CRPPA: variants seen among roughly 807,000 people sequenced by gnomAD.
CRPPA encodes D-ribitol-5-phosphate cytidylyltransferase.
CRPPA carries 43 observed loss-of-function variants against 52.0 expected under a neutral mutation model. The ratio of observed to expected loss-of-function variants is 0.83; its 90% CI spans 0.65 to 1.07. The LOEUF (loss-of-function observed/expected upper bound fraction) is 1.07, where lower values mean the gene tolerates loss of function less well. Among genes scored for constraint, CRPPA ranks in the 50% least tolerant of loss-of-function variants. The probability of loss-of-function intolerance (pLI) is 0.00; values close to 1 mark genes in which losing one functional copy is unlikely to be tolerated. For synonymous variants in CRPPA, 250 were observed against 203.5 expected, an observed-to-expected ratio of 1.23 and a Z score of -1.94; for missense variants, 629 against 551.7, an observed-to-expected ratio of 1.14 and a Z score of -1.40.
intron 2 of CRPPA, among the ~76,000 whole-genome samples, chr7:16,393,334 T>C (rs1787489189): frequency 1.3e-5 from 2 of 152,174 alleles, no homozygotes; most frequent in Non-Finnish European, 2.9e-5. Flanking sequence ...GGACTTGATC[T>C]AGCAGTATGA....
At chr7:16,254,747 C>CAGAA (rs902465491) in intron 8 of CRPPA, among the ~76,000 whole-genome samples, 3 of 51,090 alleles carry the variant, frequency 5.9e-5, no homozygotes, top group Non-Finnish European at 1.0e-4. Flanking sequence ...GAAAGAAAGA[C>CAGAA]AGAAAGAAAG....
intron 1 of CRPPA, among the ~76,000 whole-genome samples, chr7:16,410,335 C>T (rs1788050872): frequency 6.6e-6 from 1 of 152,106 alleles, no homozygotes; most frequent in Non-Finnish European, 1.5e-5. Flanking sequence ...TTTTGTAGCC[C>T]ATTTCCTAGG....
chr7:16,098,231 A>G (rs1781972745), intron 9 of CRPPA, among the ~76,000 whole-genome samples: 1 of 152,218 alleles, frequency 6.6e-6, no homozygotes, highest in Admixed American at 6.5e-5. Context: ...CTGAAAGGAA[A>G]TCTCTTGGAG....
intron 4 of CRPPA, among the ~76,000 whole-genome samples, chr7:16,304,838 T>C (rs776188748): frequency 2.0e-5 from 3 of 152,158 alleles, no homozygotes; most frequent in Non-Finnish European, 2.9e-5. Context: ...TGTTTCAGGA[T>C]CTTCCTTCGC....
intron 9 of CRPPA, among the ~76,000 whole-genome samples, chr7:16,147,774 C>T (rs1343731736): frequency 6.6e-6 from 1 of 152,108 alleles, no homozygotes; most frequent in Non-Finnish European, 1.5e-5. Flanking sequence ...ACAGGTATCC[C>T]AAGCATTCTA....
At chr7:16,134,484 C>T (rs1398461269) in intron 9 of CRPPA, among the ~76,000 whole-genome samples, 2 of 152,140 alleles carry the variant, frequency 1.3e-5, no homozygotes, top group African/African-American at 4.8e-5. Flanking sequence ...GGATTGCTGG[C>T]ATACAAAATA....
At chr7:16,251,897 T>C (rs530562399) in intron 8 of CRPPA, among the ~76,000 whole-genome samples, 14 of 151,922 alleles carry the variant, frequency 9.2e-5, no homozygotes, top group Admixed American at 5.9e-4. Context: ...CTGAAGGAGA[T>C]AGAGACACAG....
intron 5 of CRPPA, among the ~76,000 whole-genome samples, chr7:16,300,566 A>C (rs1784771248): frequency 6.6e-6 from 1 of 152,166 alleles, no homozygotes; most frequent in Non-Finnish European, 1.5e-5. Flanking sequence ...ACATTTGGCA[A>C]TATCAGGAAA....
intron 9 of CRPPA, among the ~76,000 whole-genome samples, chr7:16,197,482 T>C (rs1413094256): frequency 6.6e-6 from 1 of 151,940 alleles, no homozygotes; most frequent in African/African-American, 2.4e-5. Flanking sequence ...GGATGACCGG[T>C]ATGCACTCCC....
At chr7:16,276,306 G>A (rs1276540663) in intron 6 of CRPPA, among the ~76,000 whole-genome samples, 1 of 152,074 alleles carries the variant, frequency 6.6e-6, no homozygotes. Flanking sequence ...CTACACAGAA[G>A]CATCCACTAT....
At chr7:16,282,773 C>G in intron 5 of CRPPA, among the ~76,000 whole-genome samples, 1 of 151,974 alleles carries the variant, frequency 6.6e-6, no homozygotes, top group Non-Finnish European at 1.5e-5. Context: ...TATGGTGGAT[C>G]TGTTATTGTG....
chr7:16,147,313 C>T (rs35150436), intron 9 of CRPPA, among the ~76,000 whole-genome samples: 45,404 of 152,096 alleles, frequency 0.3, 8,151 homozygotes, highest in Admixed American at 0.4. Context: ...CTTCAAGGAA[C>T]GCATTTCCCT....
chr7:16,233,210 C>T (rs1782855024), intron 8 of CRPPA, among the ~76,000 whole-genome samples: 2 of 151,918 alleles, frequency 1.3e-5, no homozygotes, highest in East Asian at 3.9e-4. Context: ...CATATTTAGT[C>T]AGCCTAATAA....
chr7:16,294,441 C>T (rs1784629923), intron 5 of CRPPA, among the ~76,000 whole-genome samples: 1 of 147,256 alleles, frequency 6.8e-6, no homozygotes, highest in Non-Finnish European at 1.5e-5. Context: ...TTTCCTAATC[C>T]TGACCCAAAT....
chr7:16,103,314 G>A (rs1782086800), intron 9 of CRPPA, among the ~76,000 whole-genome samples: 1 of 152,082 alleles, frequency 6.6e-6, no homozygotes, highest in Non-Finnish European at 1.5e-5. Context: ...GTGGGTGTGG[G>A]ACTAGGGGAG....
At chr7:16,379,837 T>C (rs1257392658) in intron 2 of CRPPA, among the ~76,000 whole-genome samples, 1 of 152,216 alleles carries the variant, frequency 6.6e-6, no homozygotes. Flanking sequence ...GTACATTGAT[T>C]TTATATCCCG....
chr7:16,364,246 C>G (rs1786531241), intron 3 of CRPPA, among the ~76,000 whole-genome samples: 1 of 152,152 alleles, frequency 6.6e-6, no homozygotes, highest in African/African-American at 2.4e-5. Flanking sequence ...ATAATAGTGT[C>G]CATCCTAAAA....
chr7:16,234,472 T>G (rs909070454), intron 8 of CRPPA, among the ~76,000 whole-genome samples: 29 of 152,126 alleles, frequency 1.9e-4, no homozygotes, highest in African/African-American at 5.8e-4. Context: ...AAATGAAAAA[T>G]TTTTTAATTG....
rs550105848 is a variant in CRPPA, at chr7:16,383,009, G to A, written c.535-6768C>T. On this transcript the variant is annotated intron_variant, in intron 2 of 9. Coordinates refer to ENST00000407010, the MANE Select transcript of CRPPA (RefSeq NM_001101426.4). ...TCTCAACTCGTCAAAGTCATTCTCC[G>A]TCTAGCTTTGTTCCATTGCTGGTGA... Among the ~76,000 whole-genome samples the A allele has an allele frequency of 6.3e-4, 96 of 152,284 alleles. 1 individual carries two copies. Among genetic ancestry groups the A allele is most frequent in the South Asian group, 1.7e-3 (8 of 4,824 alleles).
Sources: gnomAD v4.1 joint callset for allele counts (sites outside exome capture counted in the v4.1 genomes callset) on GRCh38, gnomAD v4.1.1 for gene constraint, MANE v1.5 for transcripts, NCBI Gene and HGNC (gene_info 2026-07-23, HGNC 2026-07-21) for gene names.